The following GRIA4 variants were observed in gnomAD, a reference collection of about 807,000 sequenced individuals.
GRIA4 encodes glutamate receptor 4.
A neutral mutation model predicts 104.0 loss-of-function variants in GRIA4; 34 were observed. That is an observed-to-expected ratio of 0.33 (90% confidence interval 0.25 to 0.44). The LOEUF is 0.44. Ranked by LOEUF, GRIA4 falls within the 20% of genes least tolerant of loss-of-function variation. The probability of loss-of-function intolerance (pLI) is 1.00; values close to 1 mark genes in which losing one functional copy is unlikely to be tolerated. For missense variants in GRIA4, 750 were observed against 1,096.5 expected, an observed-to-expected ratio of 0.68 and a Z score of 4.46; for synonymous variants, 386 against 381.9, an observed-to-expected ratio of 1.01 and a Z score of -0.13.
intron 3 of GRIA4, among the ~76,000 whole-genome samples, chr11:105,718,495 T>C (rs904138992): frequency 6.6e-6 from 1 of 152,184 alleles, no homozygotes; most frequent in African/African-American, 2.4e-5. Context: ...AATAAATGGA[T>C]GGATATTTGA....
At chr11:105,718,609 T>C (rs535139749) in intron 3 of GRIA4, among the ~76,000 whole-genome samples, 2 of 152,270 alleles carry the variant, frequency 1.3e-5, no homozygotes, top group South Asian at 4.1e-4. Flanking sequence ...AGGAAACTAA[T>C]TTCAGTCCAC....
At chr11:105,959,144 T>A (rs1383330110) in intron 14 of GRIA4, among the ~76,000 whole-genome samples, 1 of 152,206 alleles carries the variant, frequency 6.6e-6, no homozygotes, top group Non-Finnish European at 1.5e-5. Flanking sequence ...TTCCTGAATT[T>A]GAATGTTGGC....
At chr11:105,955,693 ATAT>A (rs1948569783) in intron 14 of GRIA4, among the ~76,000 whole-genome samples, 1 of 152,216 alleles carries the variant, frequency 6.6e-6, no homozygotes, top group Non-Finnish European at 1.5e-5. Context: ...AAGAATCACC[ATAT>A]TGTCTTCCAC....
At chr11:105,961,959 A>G (rs933184963) in intron 14 of GRIA4, among the ~76,000 whole-genome samples, 2 of 152,246 alleles carry the variant, frequency 1.3e-5, no homozygotes, top group African/African-American at 4.8e-5. Flanking sequence ...TTTGTTCTAC[A>G]AACTACATAT....
intron 4 of GRIA4, among the ~76,000 whole-genome samples, chr11:105,802,149 T>C (rs559456862): frequency 1.9e-4 from 29 of 152,158 alleles, no homozygotes; most frequent in African/African-American, 7.0e-4. Context: ...GCCCAGGGCA[T>C]CTGAGTTCTA....
At chr11:105,934,859 C>T (rs1015417131) in intron 14 of GRIA4, among the ~76,000 whole-genome samples, 2 of 152,016 alleles carry the variant, frequency 1.3e-5, no homozygotes, top group African/African-American at 4.8e-5. Flanking sequence ...AAGTGATGAT[C>T]GACAAATTAC....
chr11:105,796,046 G>C (rs1444877682), intron 4 of GRIA4, among the ~76,000 whole-genome samples: 2 of 152,098 alleles, frequency 1.3e-5, no homozygotes, highest in African/African-American at 4.8e-5. Context: ...TTTCAGTTTT[G>C]ACGTAGTGAC....
At chr11:105,681,033 C>T (rs1256235330) in intron 3 of GRIA4, among the ~76,000 whole-genome samples, 1 of 152,168 alleles carries the variant, frequency 6.6e-6, no homozygotes, top group African/African-American at 2.4e-5. Flanking sequence ...CCAAACTCCA[C>T]CCTTATAGTA....
chr11:105,977,997 C>A (rs1215894608), intron 16 of GRIA4, among the ~76,000 whole-genome samples: 1 of 151,948 alleles, frequency 6.6e-6, no homozygotes, highest in East Asian at 1.9e-4. Context: ...CAATTCTGTT[C>A]AATTTAAAAT....
At chr11:105,866,417 G>T (rs1022513455) in intron 5 of GRIA4, among the ~76,000 whole-genome samples, 1 of 151,156 alleles carries the variant, frequency 6.6e-6, no homozygotes, top group African/African-American at 2.4e-5. Context: ...CATTTGTTAA[G>T]TCCCCACTGT....
At chr11:105,752,891 T>C in intron 3 of GRIA4, 90 bp from the exon 4 acceptor site, 1 of 1,239,060 alleles carries the variant, frequency 8.1e-7, no homozygotes, top group Non-Finnish European at 1.2e-6. Flanking sequence ...TTCAGTGATT[T>C]TTATTTTTTT....
chr11:105,614,696 AG>A (rs775671382), intron 3 of GRIA4, among the ~76,000 whole-genome samples: 4 of 152,048 alleles, frequency 2.6e-5, no homozygotes, highest in Non-Finnish European at 5.9e-5. Flanking sequence ...AACATTTTCT[AG>A]CAGAGAAAAG....
intron 4 of GRIA4, among the ~76,000 whole-genome samples, chr11:105,837,179 A>C (rs2135948144): frequency 6.6e-6 from 1 of 152,152 alleles, no homozygotes; most frequent in Non-Finnish European, 1.5e-5. Context: ...CATGAGGGAA[A>C]CCACCCCCAT....
rs543624207 is a variant in GRIA4, at chr11:105,818,003, T to A, written c.488-44021T>A. ...TGTAGAATAGAGCTCAGGAAAGTAG[T>A]GTAAGAAGAAAAATAAATGGAAATA... On this transcript the variant is annotated intron_variant, in intron 4 of 16. Transcript: ENST00000282499. Among the ~76,000 whole-genome samples, 21 of 151,884 alleles carry A rather than the reference T, an allele frequency of 1.4e-4. No homozygotes were observed. In the South Asian group the frequency reaches 2.1e-3, roughly 15 times the overall value.
intron 14 of GRIA4, among the ~76,000 whole-genome samples, chr11:105,961,867 A>G (rs1948751925): frequency 1.3e-5 from 2 of 152,248 alleles, no homozygotes; most frequent in Admixed American, 1.3e-4. Context: ...TTGCCATCAT[A>G]GCCAACAATA....
At chr11:105,618,951 C>A (rs1358150799) in intron 3 of GRIA4, among the ~76,000 whole-genome samples, 1 of 151,852 alleles carries the variant, frequency 6.6e-6, no homozygotes, top group African/African-American at 2.4e-5. Flanking sequence ...GGGAACCTGT[C>A]AAGTAAACAG....
At chr11:105,886,515 G>T (rs1591396979) in intron 5 of GRIA4, among the ~76,000 whole-genome samples, 4 of 122,602 alleles carry the variant, frequency 3.3e-5, no homozygotes, top group South Asian at 2.5e-4. Flanking sequence ...CCCTGCCTCT[G>T]ATAACCATTT....
At chr11:105,743,060 C>T (rs960730699) in intron 3 of GRIA4, among the ~76,000 whole-genome samples, 14 of 151,986 alleles carry the variant, frequency 9.2e-5, no homozygotes, top group African/African-American at 2.7e-4. Flanking sequence ...AAACTGGGTG[C>T]GCATATAAGG....
chr11:105,827,408 A>C (rs961865613), intron 4 of GRIA4, among the ~76,000 whole-genome samples: 1 of 152,076 alleles, frequency 6.6e-6, no homozygotes, highest in Non-Finnish European at 1.5e-5. Context: ...GAAAAAAAAC[A>C]GTAAATTGAA....
Sources: gnomAD v4.1 joint callset for allele counts (sites outside exome capture counted in the v4.1 genomes callset) on GRCh38, gnomAD v4.1.1 for gene constraint, MANE v1.5 for transcripts, NCBI Gene and HGNC (gene_info 2026-07-23, HGNC 2026-07-21) for gene names.